PHACTR3: variants seen among roughly 807,000 people sequenced by gnomAD.
PHACTR3 encodes phosphatase and actin regulator 3, also known as protein phosphatase 1, regulatory subunit 123.
PHACTR3 carries 16 observed loss-of-function variants against 66.8 expected under a neutral mutation model. That is an observed-to-expected ratio of 0.24 (90% CI 0.16 to 0.36). PHACTR3 has a LOEUF of 0.36. Ranked by LOEUF, PHACTR3 falls within the 10% of genes least tolerant of loss-of-function variation. The probability of loss-of-function intolerance (pLI) is 1.00; values close to 1 mark genes in which losing one functional copy is unlikely to be tolerated. For synonymous variants in PHACTR3, 323 were observed against 292.1 expected (o/e 1.11, Z -1.08); for missense variants, 647 against 719.9 (o/e 0.90, Z 1.16).
intron 5 of PHACTR3, among the ~76,000 whole-genome samples, chr20:59,772,602 T>G: frequency 6.6e-6 from 1 of 151,780 alleles, no homozygotes; most frequent in East Asian, 1.9e-4. Context: ...TGTGGTGCCT[T>G]CAAAGACGGG....
chr20:59,763,091 G>A (rs1568793421), intron 4 of PHACTR3, among the ~76,000 whole-genome samples: 1 of 152,160 alleles, frequency 6.6e-6, no homozygotes, highest in Non-Finnish European at 1.5e-5. Context: ...TGTCAAGGGA[G>A]AGGCCAGGTG....
rs763868965 is a variant in PHACTR3 at position 59,830,656 on chromosome 20, T to C, written c.1329-5849T>C. On this transcript the variant is annotated intron_variant, in intron 8 of 12. Coordinates refer to ENST00000371015, the MANE Select transcript of PHACTR3 (RefSeq NM_080672.5). This position sits in a 1 kb window ranked among gnomAD's most constrained non-coding sequence, Gnocchi z 5.8. Reference sequence around the variant, plus strand: ...TGGGCTCAGCACGCCAGGTGAATAATATCAGTGCTATAGTAGTAATGATGC... The same window carrying C: ...TGGGCTCAGCACGCCAGGTGAATAACATCAGTGCTATAGTAGTAATGATGC... Among the ~76,000 whole-genome samples, 7 of 152,166 alleles carry C rather than the reference T, an allele frequency of 4.6e-5. No homozygotes were observed. Among genetic ancestry groups the C allele is most frequent in the Non-Finnish European group, 8.8e-5 (6 of 68,022 alleles).
Position 59,784,252 on chromosome 20 carries a change from G to A in PHACTR3, c.1174+9762G>A, listed in dbSNP as rs151284380. Among the ~76,000 whole-genome samples the A allele has an allele frequency of 3.2e-3, 484 of 152,146 alleles. 4 individuals are homozygous for A. Among genetic ancestry groups the A allele is most frequent in the East Asian group, 9.1e-3 (47 of 5,176 alleles). On this transcript the variant is annotated intron_variant, in intron 7 of 12. Transcript: ENST00000371015. The stretch of plus-strand genomic sequence containing the variant: ...CTGTACAGCCCCCGCAATCGCATGA[G>A]TCAATTCCTTAAAATAAATGTCTTA...
At chr20:59,700,148 C>T (rs193019023) in intron 1 of PHACTR3, among the ~76,000 whole-genome samples, 83 of 152,328 alleles carry the variant, frequency 5.4e-4, no homozygotes, top group Non-Finnish European at 1.2e-4. Flanking sequence ...TCTACACATA[C>T]TGTTTTGTAC....
chr20:59,764,715 C>T lies in PHACTR3; in HGVS notation c.542-2471C>T, dbSNP rs184970838. ...TGCTGGGTGACCAGTACCCTGAGAG[C>T]GTAACCCATTCACAAAGAAGCGTTC... On this transcript the variant is annotated intron_variant, in intron 4 of 12. Transcript: ENST00000371015. Among the ~76,000 whole-genome samples, 8 of 152,254 alleles carry T rather than the reference C, an allele frequency of 5.3e-5. No individual in the cohort carries two copies. The East Asian group carries it at 5.8e-4, about 11-fold the overall frequency.
intron 1 of PHACTR3, among the ~76,000 whole-genome samples, chr20:59,656,486 A>C (rs1217658169): frequency 6.6e-6 from 1 of 151,932 alleles, no homozygotes; most frequent in Non-Finnish European, 1.5e-5. Flanking sequence ...TGCTGTTTGC[A>C]TGCTATATCT....
chr20:59,678,576 C>G (rs1167109057), intron 1 of PHACTR3, among the ~76,000 whole-genome samples: 1 of 152,182 alleles, frequency 6.6e-6, no homozygotes, highest in Non-Finnish European at 1.5e-5. Context: ...TTCCTTTCTT[C>G]CCTGCATCTT....
chr20:59,606,308 C>CT (rs1354486993), intron 1 of PHACTR3, among the ~76,000 whole-genome samples: 1 of 151,984 alleles, frequency 6.6e-6, no homozygotes, highest in East Asian at 1.9e-4. Flanking sequence ...ATCCCTCCCC[C>CT]CCCCATTTGA....
chr20:59,775,613 G>C (rs1397446954), intron 7 of PHACTR3, among the ~76,000 whole-genome samples: 1 of 152,136 alleles, frequency 6.6e-6, no homozygotes, highest in East Asian at 1.9e-4. Context: ...CTGTGCGTTT[G>C]GAGGAGGCTG....
intron 1 of PHACTR3, among the ~76,000 whole-genome samples, chr20:59,657,201 G>A (rs776161501): frequency 4.3e-4 from 65 of 151,596 alleles, no homozygotes; most frequent in Non-Finnish European, 6.3e-4. Context: ...CTTCCTTTGC[G>A]TTATTGTCAA....
At chr20:59,638,691 TAGGTGGGTGGAG>T (rs1384377069) in intron 1 of PHACTR3, among the ~76,000 whole-genome samples, 1 of 136,318 alleles carries the variant, frequency 7.3e-6, no homozygotes, top group Non-Finnish European at 1.6e-5. Context: ...TACCAGTGGA[TAGGTGGGTGGAG>T]GGATGGGTGG....
Position 59,729,392 on chromosome 20 carries a change from C to T in PHACTR3, c.119-13715C>T, listed in dbSNP as rs182725245. Among the ~76,000 whole-genome samples, 21 of 152,176 alleles carry T rather than the reference C, an allele frequency of 1.4e-4. 1 individual carries two copies. The highest frequency in any genetic ancestry group is 3.4e-3 in the Middle Eastern group (1 of 294). ...AGAAAAGGAAAAGGAGACCGGGGCA[C>T]GAGTGAGCCAGTGCAGTGTGCAGAG... On this transcript the variant is annotated intron_variant, in intron 1 of 12. Transcript: ENST00000371015.
chr20:59,839,897 T>C (rs368656648), intron 9 of PHACTR3, among the ~76,000 whole-genome samples: 3 of 152,236 alleles, frequency 2.0e-5, no homozygotes, highest in South Asian at 4.1e-4. Flanking sequence ...CCATGTTTTA[T>C]GTTGGTTAAA....
chr20:59,723,103 TTTCTTTCTTTCTTTC>T, intron 1 of PHACTR3, among the ~76,000 whole-genome samples: 1 of 149,184 alleles, frequency 6.7e-6, no homozygotes, highest in Non-Finnish European at 1.5e-5. Context: ...TCTTTCTTTC[TTTCTTTCTTTCTTTC>T]TTCAGCTTTA....
At chr20:59,723,064 T>C (rs35719144) in intron 1 of PHACTR3, among the ~76,000 whole-genome samples, 5 of 44,642 alleles carry the variant, frequency 1.1e-4, no homozygotes, top group Non-Finnish European at 1.9e-4. Flanking sequence ...TTCTTTCTCT[T>C]TCTTTCTTTC....
At chr20:59,769,859 C>T (rs546800077) in intron 5 of PHACTR3, among the ~76,000 whole-genome samples, 299 of 152,340 alleles carry the variant, frequency 2.0e-3, no homozygotes, top group Middle Eastern at 0.014. Flanking sequence ...TGCAACATGG[C>T]CACATAAATT....
chr20:59,814,625 G>A (rs2041835329), intron 8 of PHACTR3, among the ~76,000 whole-genome samples: 1 of 152,092 alleles, frequency 6.6e-6, no homozygotes. Context: ...TGTACTTCCT[G>A]TTATCCTTGG....
At chr20:59,707,877 C>T (rs2037770114) in intron 1 of PHACTR3, among the ~76,000 whole-genome samples, 1 of 152,214 alleles carries the variant, frequency 6.6e-6, no homozygotes, top group African/African-American at 2.4e-5. Context: ...ATTTCTTGTA[C>T]AGTCTGCAGA....
intron 1 of PHACTR3, among the ~76,000 whole-genome samples, chr20:59,655,117 G>A (rs1165714700): frequency 6.6e-6 from 1 of 151,996 alleles, no homozygotes; most frequent in Non-Finnish European, 1.5e-5. Context: ...GGAACATAGG[G>A]TAGGTTTATG....
Sources: allele counts gnomAD v4.1 joint callset (sites outside exome capture counted in the v4.1 genomes callset), GRCh38; gene constraint gnomAD v4.1.1; non-coding constraint Gnocchi (gnomAD v3.1); transcripts MANE v1.5; gene names NCBI Gene and HGNC (gene_info 2026-07-23, HGNC 2026-07-21).